The following VWC2 variants were observed in gnomAD, a reference collection of about 807,000 sequenced individuals.
The protein encoded by VWC2 is von Willebrand factor C domain containing 2.
Under a neutral mutation model 29.8 loss-of-function variants are expected in VWC2, and 14 were observed. That is an observed-to-expected ratio of 0.47 (90% confidence interval 0.31 to 0.74). The LOEUF is 0.74. Among genes scored for constraint, VWC2 ranks in the 30% least tolerant of loss-of-function variants. VWC2 has a pLI of 0.05. For missense variants in VWC2, 457 were observed against 459.8 expected, an observed-to-expected ratio of 0.99 and a Z score of 0.05; for synonymous variants, 213 against 199.0, an observed-to-expected ratio of 1.07 and a Z score of -0.59.
In VWC2 at chr7:49,816,929, G is replaced by A. The variant is rs528792087; in HGVS notation, c.826+14089G>A. ...AATATGAGGATTAAGGAAGTCAAGA[G>A]CCCACTGTTGAATCCAGACACTCAA... is the stretch of plus-strand genomic sequence containing the variant. On this transcript the variant is annotated intron_variant, in intron 3 of 3. Transcript: ENST00000340652. 2.6e-5 allele frequency among the ~76,000 whole-genome samples: 4 copies of A among 152,260 alleles called. No homozygotes were observed. The East Asian group carries it at 7.7e-4, about 29-fold the overall frequency.
intron 3 of VWC2, 117 bp from the exon 4 acceptor site, chr7:49,911,917 A>G: frequency 1.4e-6 from 1 of 720,202 alleles, no homozygotes; most frequent in Non-Finnish European, 1.9e-6. Context: ...AAACAAACAA[A>G]TACACGCACA....
chr7:49,869,210 A>T (rs1791033126), intron 3 of VWC2, among the ~76,000 whole-genome samples: 1 of 152,206 alleles, frequency 6.6e-6, no homozygotes, highest in African/African-American at 2.4e-5. Flanking sequence ...TTGGGAGAAG[A>T]GGCAGACATT....
chr7:49,807,321 C>T lies in VWC2; in HGVS notation c.826+4481C>T, dbSNP rs199910345. Reference sequence around the variant, plus strand: ...CTAAAATCCAAATGGTATACAAAAGCTAAAGACTGGCTTGAGAAATATCCA... The same window carrying T: ...CTAAAATCCAAATGGTATACAAAAGTTAAAGACTGGCTTGAGAAATATCCA... On this transcript the variant is annotated intron_variant, in intron 3 of 3. Transcript: ENST00000340652. Among the ~76,000 whole-genome samples, 5 of 152,260 alleles carry T rather than the reference C, an allele frequency of 3.3e-5. No individual in the cohort carries two copies. In the East Asian group the frequency reaches 9.6e-4, roughly 29 times the overall value.
At chr7:49,838,640 G>A (rs75208324) in intron 3 of VWC2, among the ~76,000 whole-genome samples, 3,656 of 152,078 alleles carry the variant, frequency 0.024, 157 homozygotes, top group African/African-American at 0.084. Flanking sequence ...ACGTGGCTCC[G>A]TACAAGCAGT....
chr7:49,906,881 C>T (rs962289048), intron 3 of VWC2, among the ~76,000 whole-genome samples: 6 of 152,108 alleles, frequency 3.9e-5, no homozygotes, highest in Non-Finnish European at 5.9e-5. Context: ...ACAGGCTTTA[C>T]TAATCAATTC....
At chr7:49,862,771 C>T (rs1161099399) in intron 3 of VWC2, among the ~76,000 whole-genome samples, 3 of 147,544 alleles carry the variant, frequency 2.0e-5, no homozygotes, top group African/African-American at 7.6e-5. Context: ...TGTATTATGT[C>T]CATTAATTTT....
At chr7:49,819,688 A>G (rs1789223428) in intron 3 of VWC2, among the ~76,000 whole-genome samples, 2 of 152,228 alleles carry the variant, frequency 1.3e-5, no homozygotes, top group Non-Finnish European at 2.9e-5. Context: ...AACAAGGAAC[A>G]GTAAATTTTT....
At chr7:49,782,618 G>T (rs1788202327) in intron 2 of VWC2, among the ~76,000 whole-genome samples, 1 of 150,914 alleles carries the variant, frequency 6.6e-6, no homozygotes, top group Non-Finnish European at 1.5e-5. Flanking sequence ...ACTGAGGTGG[G>T]AAGATGACTT....
At chr7:49,869,173 T>C (rs554356981) in intron 3 of VWC2, among the ~76,000 whole-genome samples, 1 of 152,218 alleles carries the variant, frequency 6.6e-6, no homozygotes, top group East Asian at 1.9e-4. Context: ...AGGGCACAAA[T>C]ATGAATAAAA....
intron 2 of VWC2, among the ~76,000 whole-genome samples, chr7:49,781,760 G>A (rs1229196970): frequency 1.3e-5 from 2 of 152,156 alleles, no homozygotes; most frequent in African/African-American, 4.8e-5. Flanking sequence ...ATAAATGCTT[G>A]ATCCACTTGG....
At chr7:49,858,647 A>G (rs1351907151) in intron 3 of VWC2, among the ~76,000 whole-genome samples, 1 of 152,038 alleles carries the variant, frequency 6.6e-6, no homozygotes, top group Non-Finnish European at 1.5e-5. Flanking sequence ...CGGCACATGT[A>G]TATATATGTA....
At chr7:49,814,735 T>C (rs545241510) in intron 3 of VWC2, among the ~76,000 whole-genome samples, 63 of 152,302 alleles carry the variant, frequency 4.1e-4, no homozygotes, top group African/African-American at 1.3e-3. Flanking sequence ...GGGACTCAGA[T>C]CAAAGACTGG....
chr7:49,898,378 A>G (rs1342498392), intron 3 of VWC2, among the ~76,000 whole-genome samples: 3 of 151,948 alleles, frequency 2.0e-5, no homozygotes, highest in African/African-American at 7.2e-5. Context: ...TTATTTAGAT[A>G]TGGGTTTCTT....
At chr7:49,895,096 C>T (rs563926692) in intron 3 of VWC2, among the ~76,000 whole-genome samples, 7 of 152,338 alleles carry the variant, frequency 4.6e-5, no homozygotes, top group African/African-American at 1.7e-4. Flanking sequence ...TATTTTCTCA[C>T]AGTTCTAGTG....
Position 49,775,314 on chromosome 7 carries a change from G to A in VWC2, c.-103-19G>A, listed in dbSNP as rs1347185698. The A allele has an allele frequency of 4.5e-6, 3 of 670,748 alleles. No individual in the cohort carries two copies. The highest frequency in any genetic ancestry group is 4.8e-4 in the Middle Eastern group (1 of 2,062). The allele number at this position is 670,748 out of a possible 1,614,324, so 41.5% of individuals were successfully genotyped here. ...CGCGCGGGCCGCGGGGCTCAGTTGT[G>A]CTGCTGTTCTCTCCGCAGGGACGGC... On this transcript the variant is annotated intron_variant, in intron 1 of 3. Transcript: ENST00000340652.
rs1034851643 is a variant in VWC2, at chr7:49,854,464, T to G, written c.826+51624T>G. Among the ~76,000 whole-genome samples, 125 of 152,306 alleles carry G rather than the reference T, an allele frequency of 8.2e-4. 1 individual carries two copies. The highest frequency in any genetic ancestry group is 2.2e-3 in the Admixed American group (33 of 15,308). The stretch of plus-strand genomic sequence containing the variant: ...TGATTTGCATTTCTCTGATGGCCAG[T>G]GATGATGAGCATTTTTTCATGTGTC... On this transcript the variant is annotated intron_variant, in intron 3 of 3. Coordinates refer to ENST00000340652, the MANE Select transcript of VWC2 (RefSeq NM_198570.5).
intron 3 of VWC2, among the ~76,000 whole-genome samples, chr7:49,828,979 C>A (rs1415462892): frequency 6.6e-6 from 1 of 152,178 alleles, no homozygotes; most frequent in Non-Finnish European, 1.5e-5. Context: ...CAATTCCTTC[C>A]CACGGAACCC....
At chr7:49,849,757 GCTCT>G (rs567623115) in intron 3 of VWC2, among the ~76,000 whole-genome samples, 1 of 152,196 alleles carries the variant, frequency 6.6e-6, no homozygotes, top group Non-Finnish European at 1.5e-5. Flanking sequence ...CACTTATTCT[GCTCT>G]CTGAGAGTCT....
intron 3 of VWC2, among the ~76,000 whole-genome samples, chr7:49,841,969 C>T (rs895112203): frequency 5.3e-5 from 8 of 152,008 alleles, no homozygotes; most frequent in Non-Finnish European, 7.4e-5. Context: ...TGGGTTCAAG[C>T]GATTCTCCTG....
Sources: allele counts gnomAD v4.1 joint callset (sites outside exome capture counted in the v4.1 genomes callset), GRCh38; gene constraint gnomAD v4.1.1; transcripts MANE v1.5; gene names NCBI Gene and HGNC (gene_info 2026-07-23, HGNC 2026-07-21).